The following SYNE1 variants were observed in gnomAD, a reference collection of about 807,000 sequenced individuals.
The protein encoded by SYNE1 is spectrin repeat containing nuclear envelope protein 1, also known as nesprin-1.
In SYNE1, 616 loss-of-function variants were observed where a neutral mutation model predicts 1,111.0. That is an observed-to-expected ratio of 0.55 (90% CI 0.52 to 0.59). The LOEUF is 0.59. SYNE1 is among the 20% of genes least tolerant of loss of function. The pLI, the probability that SYNE1 is intolerant of heterozygous loss-of-function variation, is 0.00. For synonymous variants in SYNE1, 3,855 were observed against 3,825.8 expected, an observed-to-expected ratio of 1.01 and a Z score of -0.28; for missense variants, 10,006 against 10,417.0, an observed-to-expected ratio of 0.96 and a Z score of 1.72.
At chr6:152,589,309 T>G (rs1431710779) in intron 3 of SYNE1, among the ~76,000 whole-genome samples, 1 of 152,210 alleles carries the variant, frequency 6.6e-6, no homozygotes, top group African/African-American at 2.4e-5. Flanking sequence ...TAGTTTTGAT[T>G]ATCTGAGAAA....
intron 3 of SYNE1, among the ~76,000 whole-genome samples, chr6:152,556,716 A>T (rs1031280968): frequency 6.6e-6 from 1 of 152,172 alleles, no homozygotes; most frequent in Non-Finnish European, 1.5e-5. Flanking sequence ...CGAAAACATC[A>T]GGCCAGTCCT....
chr6:152,505,822 T>A (rs1261861974), intron 8 of SYNE1, among the ~76,000 whole-genome samples: 1 of 105,322 alleles, frequency 9.5e-6, no homozygotes, highest in African/African-American at 5.4e-5. Context: ...AATTAACCAC[T>A]GTAAATTTTT....
chr6:152,318,736 C>G (rs1234583527), intron 85 of SYNE1, 127 bp downstream of exon 85: 3 of 1,063,640 alleles, frequency 2.8e-6, no homozygotes, highest in African/African-American at 3.2e-5. Flanking sequence ...ATTTCTTTAC[C>G]ACCTGCTGTT....
chr6:152,465,952 C>T (rs749705760), intron 17 of SYNE1, 30 bp downstream of exon 17: 21 of 1,483,198 alleles, frequency 1.4e-5, no homozygotes, highest in African/African-American at 2.8e-5. Context: ...CTGCAGTCTA[C>T]GTTGCAACAA....
chr6:152,165,949 T>C (rs2063564843), intron 130 of SYNE1, among the ~76,000 whole-genome samples: 1 of 152,178 alleles, frequency 6.6e-6, no homozygotes, highest in African/African-American at 2.4e-5. Context: ...GAGTTTACCA[T>C]CAATAAACCC....
chr6:152,215,993 C>T (rs1419085881), intron 121 of SYNE1, among the ~76,000 whole-genome samples: 1 of 152,206 alleles, frequency 6.6e-6, no homozygotes, highest in East Asian at 1.9e-4. Context: ...TCTTTTGGAT[C>T]TCTTCCCTCC....
At chr6:152,355,301 A>T (rs2096817847) in intron 66 of SYNE1, among the ~76,000 whole-genome samples, 1 of 152,228 alleles carries the variant, frequency 6.6e-6, no homozygotes, top group South Asian at 2.1e-4. Context: ...AGAATGACCT[A>T]GGCTTATTAT....
intron 125 of SYNE1, among the ~76,000 whole-genome samples, chr6:152,207,244 A>G (rs1238898652): frequency 2.0e-5 from 3 of 152,188 alleles, no homozygotes; most frequent in Non-Finnish European, 4.4e-5. Context: ...AAGTTGGTCC[A>G]GAGACCACAG....
intron 6 of SYNE1, among the ~76,000 whole-genome samples, chr6:152,516,899 A>G (rs960581530): frequency 2.0e-5 from 3 of 152,148 alleles, no homozygotes; most frequent in African/African-American, 7.2e-5. Context: ...AAAAACTCTA[A>G]ATATCCTGTT....
chr6:152,395,043 A>G (rs1039770034), intron 51 of SYNE1, among the ~76,000 whole-genome samples: 4 of 151,910 alleles, frequency 2.6e-5, no homozygotes, highest in African/African-American at 9.7e-5. Context: ...TCGGCCTCCC[A>G]AAGTGCTGGG....
rs2096240944 is a variant in SYNE1 at position 152,331,210 on chromosome 6, T to A, written c.13475A>T (p.Gln4492Leu). The change falls in exon 78 of 146, where the codon CAA becomes CTA. Residue 4492 changes from glutamine to leucine, a missense_variant. Physicochemically the swap from Gln to Leu is moderately radical, Grantham distance 113. Transcript: ENST00000367255. ...ICLLPDDVSK[Q>L]VKTCKSAQAS... Reference sequence around the variant, plus strand: ...TTGTGCACTCTTACATGTTTTGACTTGTTTGCTCACATCATCTGGTAACAG... The same window carrying A: ...TTGTGCACTCTTACATGTTTTGACTAGTTTGCTCACATCATCTGGTAACAG... The A allele has an allele frequency of 6.2e-7, 1 of 1,613,948 alleles. No individual in the cohort carries two copies. Among genetic ancestry groups the A allele is most frequent in the African/African-American group, 1.3e-5 (1 of 74,942 alleles).
intron 124 of SYNE1, 70 bp from the exon 125 acceptor site, chr6:152,208,276 T>C (rs747541878): frequency 5.1e-5 from 71 of 1,381,644 alleles, no homozygotes; most frequent in Non-Finnish European, 5.3e-5. Flanking sequence ...TCAGCCAATG[T>C]ATACACTGTC....
At chr6:152,381,661 T>A (rs2097419219) in intron 55 of SYNE1, 1 of 437,422 alleles carries the variant, frequency 2.3e-6, no homozygotes, top group Non-Finnish European at 4.2e-6. Context: ...GACTCAAGTG[T>A]TTGCCTGTGG....
intron 134 of SYNE1, 132 bp from the exon 135 acceptor site, chr6:152,151,822 T>A (rs2060472037): frequency 6.7e-7 from 1 of 1,490,516 alleles, no homozygotes. Flanking sequence ...CTGCAATCCT[T>A]TGCTATATCA....
intron 116 of SYNE1, among the ~76,000 whole-genome samples, chr6:152,225,052 T>C (rs2081219996): frequency 6.6e-6 from 1 of 150,818 alleles, no homozygotes; most frequent in African/African-American, 2.4e-5. Context: ...AAATGAGTGT[T>C]TCAAATGCAT....
intron 81 of SYNE1, 51 bp downstream of exon 81, chr6:152,325,033 C>T: frequency 6.3e-7 from 1 of 1,598,628 alleles, no homozygotes; most frequent in East Asian, 2.2e-5. Context: ...TTTCAAAATA[C>T]ATTATAATTA....
chr6:152,624,170 T>C (rs1168416079), intron 3 of SYNE1, among the ~76,000 whole-genome samples: 1 of 152,130 alleles, frequency 6.6e-6, no homozygotes, highest in Non-Finnish European at 1.5e-5. Flanking sequence ...TTGCAGTGAA[T>C]AATCCTACTC....
intron 127 of SYNE1, among the ~76,000 whole-genome samples, chr6:152,199,830 G>A (rs1263265221): frequency 6.6e-6 from 1 of 152,188 alleles, no homozygotes; most frequent in African/African-American, 2.4e-5. Context: ...GGGCAGTTTG[G>A]GGAAGAGTAG....
chr6:152,483,001 C>T (rs148092759), intron 14 of SYNE1, 84 bp downstream of exon 14: 471 of 1,495,902 alleles, frequency 3.1e-4, no homozygotes, highest in Middle Eastern at 6.8e-4. Flanking sequence ...GGGGCGTCCC[C>T]GCCAGAGCAG....
Sources: gnomAD v4.1 joint callset for allele counts (sites outside exome capture counted in the v4.1 genomes callset) on GRCh38, gnomAD v4.1.1 for gene constraint, MANE v1.5 for transcripts, NCBI Gene and HGNC (gene_info 2026-07-23, HGNC 2026-07-21) for gene names.